Variants in MEP1A observed in about 807,000 individuals in gnomAD.
The protein encoded by MEP1A is meprin A subunit alpha, also known as N-benzoyl-L-tyrosyl-P-amino-benzoic acid hydrolase subunit alpha.
In MEP1A, 68 loss-of-function variants were observed where a neutral mutation model predicts 84.5. That is an observed-to-expected ratio of 0.80 (90% CI 0.66 to 0.98). The LOEUF (loss-of-function observed/expected upper bound fraction) is 0.98. Among genes scored for constraint, MEP1A ranks in the 50% least tolerant of loss-of-function variants. MEP1A has a pLI of 0.00. For missense variants in MEP1A, 887 were observed against 919.9 expected (o/e 0.96, Z 0.46); for synonymous variants, 337 against 336.8 (o/e 1.00, Z -0.01).
rs1031037479 is a variant in MEP1A at position 46,819,648 on chromosome 6, A to G, written c.500A>G (p.Gln167Arg). The change falls in exon 7 of 14, where the codon CAG (glutamine) becomes CGG (arginine). Residue 167 changes from glutamine (Q) to arginine (R), a missense_variant. Gln to Arg is a conservative substitution (Grantham distance 43, BLOSUM62 1). Transcript: ENST00000230588. ...CATGCTTTGGGATTTTACCACGAGC[A>G]GTCAAGGACGGACCGGGATGATTAT... ...ILHALGFYHEQSRTDRDDYVN... is the reference protein window; with the variant it reads ...ILHALGFYHERSRTDRDDYVN... 1.2e-6 allele frequency: 2 copies of G among 1,614,182 alleles called. No individual in the cohort carries two copies. Among genetic ancestry groups the G allele is most frequent in the Non-Finnish European group, 1.7e-6 (2 of 1,179,992 alleles).
At chr6:46,799,225 C>A in intron 5 of MEP1A, 44 bp downstream of exon 5, 1 of 1,289,412 alleles carries the variant, frequency 7.8e-7, no homozygotes, top group Non-Finnish European at 1.1e-6. Flanking sequence ...GTTTAACTCT[C>A]TCTCTCCTCT....
intron 6 of MEP1A, among the ~76,000 whole-genome samples, chr6:46,813,495 T>G (rs1377177472): frequency 6.6e-6 from 1 of 152,062 alleles, no homozygotes; most frequent in Non-Finnish European, 1.5e-5. Context: ...GAATTCTTAT[T>G]CATTCTGCTA....
chr6:46,807,616 GGAAGGAAA>G (rs1408306799), intron 5 of MEP1A, among the ~76,000 whole-genome samples: 1,130 of 68,172 alleles, frequency 0.017, 2 homozygotes, highest in South Asian at 0.028. Context: ...AAGGAAGGAA[GGAAGGAAA>G]GAAGGAAGGA....
chr6:46,817,163 C>A (rs566194210), intron 6 of MEP1A, among the ~76,000 whole-genome samples: 1 of 152,154 alleles, frequency 6.6e-6, no homozygotes, highest in South Asian at 2.1e-4. Flanking sequence ...TTTATCAGAA[C>A]CTAACCTTAT....
chr6:46,815,256 G>T (rs536332391), intron 6 of MEP1A, among the ~76,000 whole-genome samples: 2 of 152,154 alleles, frequency 1.3e-5, no homozygotes, highest in Non-Finnish European at 2.9e-5. Context: ...CTTGGGCAGG[G>T]CTTGCTGTGG....
At chr6:46,826,664 A>T (rs1345535283) in intron 9 of MEP1A, among the ~76,000 whole-genome samples, 161 bp downstream of exon 9, 1 of 152,246 alleles carries the variant, frequency 6.6e-6, no homozygotes, top group East Asian at 1.9e-4. Flanking sequence ...TAACTCAGTA[A>T]AAAGCATCCA....
rs1327457266 is a variant in MEP1A at position 46,839,548 on chromosome 6, G to C, written c.*412G>C. ...TAAATGAATGAATAACTAAGATATA[G>C]AAACTCTCATTTATATTGCAGATTG... On this transcript the variant is annotated 3_prime_UTR_variant, in exon 14 of 14. Transcript: ENST00000230588. 2 of 153,370 alleles carry C rather than the reference G, an allele frequency of 1.3e-5. No individual in the cohort carries two copies. The highest frequency in any genetic ancestry group is 3.8e-4 in the East Asian group (2 of 5,226). 9.5% of individuals were successfully genotyped at this position (153,370 alleles called of 1,614,324 possible).
Position 46,809,457 on chromosome 6 carries a change from G to T in MEP1A, c.300G>T (p.Glu100Asp). 6.2e-7 allele frequency: 1 copy of T among 1,609,912 alleles called. No homozygotes were observed. The highest frequency in any genetic ancestry group is 8.5e-7 in the Non-Finnish European group (1 of 1,177,612). The change falls in exon 6 of 14, where the codon GAG (glutamate) becomes GAT (aspartate). Residue 100 changes from glutamate to aspartate, a missense_variant. Coordinates refer to ENST00000230588, the MANE Select transcript of MEP1A (RefSeq NM_005588.3). The stretch of plus-strand genomic sequence containing the variant: ...AAGGAGCCATTCTGTATGCCTTTGA[G>T]ATGTTCCGTCTCAAGTCCTGTGTGG... ...NAKGAILYAF[E>D]MFRLKSCVDF...
chr6:46,800,757 A>G (rs1306480840), intron 5 of MEP1A, among the ~76,000 whole-genome samples: 2 of 152,190 alleles, frequency 1.3e-5, no homozygotes, highest in Non-Finnish European at 2.9e-5. Context: ...ATATACCTAT[A>G]TAATGCACAC....
chr6:46,816,334 T>A (rs1375817267), intron 6 of MEP1A, among the ~76,000 whole-genome samples: 1 of 152,074 alleles, frequency 6.6e-6, no homozygotes, highest in Non-Finnish European at 1.5e-5. Flanking sequence ...CAACAAAATA[T>A]GCAATACGGT....
chr6:46,840,206 G>T (rs1369887807), downstream of MEP1A, among the ~76,000 whole-genome samples: 1 of 152,150 alleles, frequency 6.6e-6, no homozygotes, highest in Non-Finnish European at 1.5e-5. Flanking sequence ...GAAACAAAAT[G>T]AGAGATTAAC....
intron 7 of MEP1A, among the ~76,000 whole-genome samples, chr6:46,824,893 TTA>T (rs1207625916): frequency 2.3e-4 from 12 of 52,304 alleles, no homozygotes; most frequent in African/African-American, 2.2e-3. Flanking sequence ...TATATATAAA[TTA>T]TATATATAAA....
intron 3 of MEP1A, among the ~76,000 whole-genome samples, chr6:46,798,117 G>A (rs1014972895): frequency 6.6e-6 from 1 of 151,750 alleles, no homozygotes; most frequent in South Asian, 2.1e-4. Flanking sequence ...ACAGGTGCAC[G>A]CCACCATGCC....
At chr6:46,815,202 C>A (rs12214111) in intron 6 of MEP1A, among the ~76,000 whole-genome samples, 6,758 of 152,212 alleles carry the variant, frequency 0.044, 150 homozygotes, top group African/African-American at 0.069. Context: ...AGAGAAAGAT[C>A]ACCAGGTTGG....
At chr6:46,804,642 A>G (rs966912710) in intron 5 of MEP1A, among the ~76,000 whole-genome samples, 7 of 151,868 alleles carry the variant, frequency 4.6e-5, no homozygotes, top group Middle Eastern at 3.4e-3. Context: ...TAAAATATAT[A>G]TAGGGTAAAA....
At position 46,835,351 on chromosome 6, in the gene MEP1A, G is replaced by T; in HGVS notation, c.1886G>T (p.Gly629Val). Residue 629 changes from glycine to valine, a missense_variant, in exon 13 of 14, where the codon GGT (glycine) becomes GTT (valine). Coordinates refer to ENST00000230588, the MANE Select transcript of MEP1A (RefSeq NM_005588.3). ...QGQEQQVSEE[G>V]SGKAMLEEAL... ...CAGGAGCAGCAGGTCTCCGAAGAAG[G>T]TTCGGGAAAGGCCATGTTAGAGGAA... The T allele has an allele frequency of 6.2e-7, 1 of 1,611,216 alleles. No individual in the cohort carries two copies. The highest frequency in any genetic ancestry group is 8.5e-7 in the Non-Finnish European group (1 of 1,178,758).
Position 46,835,230 on chromosome 6 carries a change from G to T in MEP1A, c.1784-19G>T. The T allele has an allele frequency of 6.4e-7, 1 of 1,564,042 alleles. No homozygotes were observed. The highest frequency in any genetic ancestry group is 8.6e-7 in the Non-Finnish European group (1 of 1,158,544). On this transcript the variant is annotated intron_variant, in intron 12 of 13. Transcript: ENST00000230588. ...GTTACTAATCCTGGATCTTCCTCAT[G>T]ACTCTCTATTTCCTGAAGATATCAC... is the stretch of plus-strand genomic sequence containing the variant.
chr6:46,797,641 A>G (rs1211207828), intron 3 of MEP1A, among the ~76,000 whole-genome samples: 1 of 152,164 alleles, frequency 6.6e-6, no homozygotes, highest in Non-Finnish European at 1.5e-5. Context: ...AGAATGGTAC[A>G]CTGGTAGAAA....
In MEP1A at chr6:46,829,363, C is replaced by T. The variant is rs752826421; in HGVS notation, c.936C>T (p.Gly312=). 3 of 1,613,172 alleles carry T rather than the reference C, an allele frequency of 1.9e-6. No individual in the cohort carries two copies. The African/African-American group carries it at 4.0e-5, about 22-fold the overall frequency. Reference sequence around the variant, plus strand: ...TGGCTGCTCTTTCCATAGGTGCCGGCTACTTCATGCAGTTCAGCACCAGCT... The same window carrying T: ...TGGCTGCTCTTTCCATAGGTGCCGGTTACTTCATGCAGTTCAGCACCAGCT... ...HTLLGQCTGA[G]YFMQFSTSSG... The change falls in exon 10 of 14, where the codon GGC becomes GGT. Residue 312 remains glycine (G), a synonymous_variant. Coordinates refer to ENST00000230588, the MANE Select transcript of MEP1A (RefSeq NM_005588.3).
Sources: gnomAD v4.1 joint callset for allele counts (sites outside exome capture counted in the v4.1 genomes callset) on GRCh38, gnomAD v4.1.1 for gene constraint, MANE v1.5 for transcripts, NCBI Gene and HGNC (gene_info 2026-07-23, HGNC 2026-07-21) for gene names.